Variants in MYO1D observed in about 807,000 individuals in gnomAD.
MYO1D encodes myosin ID, also known as unconventional myosin-Id.
A neutral mutation model predicts 122.0 loss-of-function variants in MYO1D; 83 were observed. The observed-to-expected ratio is 0.68, with a 90% CI of 0.57 to 0.82. The LOEUF (loss-of-function observed/expected upper bound fraction) is 0.82, where lower values mean the gene tolerates loss of function less well. Among genes scored for constraint, MYO1D ranks in the 40% least tolerant of loss-of-function variants. The pLI is 0.00. For synonymous variants in MYO1D, 464 were observed against 446.9 expected (o/e 1.04, Z -0.48); for missense variants, 1,157 against 1,269.5 (o/e 0.91, Z 1.35).
chr17:32,501,164 T>C lies in MYO1D; in HGVS notation c.2865-6249A>G, dbSNP rs139398036. Reference sequence around the variant, plus strand: ...TATACATGAATGTTCATGGCAGCACTGTTTACCAAAGGTAGCAACAGCCTT... The same window carrying C: ...TATACATGAATGTTCATGGCAGCACCGTTTACCAAAGGTAGCAACAGCCTT... On this transcript the variant is annotated intron_variant, in intron 21 of 21. Transcript: ENST00000318217. 5.8e-3 allele frequency among the ~76,000 whole-genome samples: 886 copies of C among 152,314 alleles called. 11 individuals are homozygous for C. Among genetic ancestry groups the C allele is most frequent in the African/African-American group, 0.02 (841 of 41,566 alleles).
intron 1 of MYO1D, among the ~76,000 whole-genome samples, chr17:32,853,591 CTG>C (rs756451247): frequency 1.6e-4 from 25 of 152,202 alleles, no homozygotes; most frequent in Admixed American, 1.0e-3. Flanking sequence ...ATTTCCATGT[CTG>C]TCTTTCCCTA....
chr17:32,699,648 A>G (rs2089220754), intron 16 of MYO1D, among the ~76,000 whole-genome samples: 1 of 152,240 alleles, frequency 6.6e-6, no homozygotes, highest in South Asian at 2.1e-4. Flanking sequence ...AAGGGTGACA[A>G]AAGATATCTG....
At chr17:32,584,827 G>A (rs2087372099) in intron 21 of MYO1D, among the ~76,000 whole-genome samples, 1 of 152,142 alleles carries the variant, frequency 6.6e-6, no homozygotes, top group Middle Eastern at 3.2e-3. Flanking sequence ...TATTTTAAAG[G>A]AATGAACAAA....
chr17:32,660,425 C>T (rs1321820590), intron 16 of MYO1D, among the ~76,000 whole-genome samples: 3 of 152,172 alleles, frequency 2.0e-5, no homozygotes, highest in South Asian at 2.1e-4. Context: ...CCGTCTGTGC[C>T]CACCAATTCC....
chr17:32,841,186 G>T (rs972739533), intron 1 of MYO1D, among the ~76,000 whole-genome samples: 2 of 152,120 alleles, frequency 1.3e-5, no homozygotes, highest in African/African-American at 2.4e-5. Context: ...CCCATTGTAG[G>T]CCAGGCACAG....
chr17:32,863,977 T>TA (rs1323272196), intron 1 of MYO1D, among the ~76,000 whole-genome samples: 5 of 144,162 alleles, frequency 3.5e-5, no homozygotes, highest in Non-Finnish European at 7.6e-5. Flanking sequence ...CTGCCACTTT[T>TA]AAAATAATTT....
intron 21 of MYO1D, among the ~76,000 whole-genome samples, chr17:32,506,880 G>A (rs956768862): frequency 1.3e-5 from 2 of 152,140 alleles, no homozygotes; most frequent in Non-Finnish European, 1.5e-5. Flanking sequence ...CTTTGGGAGG[G>A]TGAGGTGGGA....
intron 16 of MYO1D, among the ~76,000 whole-genome samples, chr17:32,673,367 G>A (rs1182042133): frequency 6.6e-6 from 1 of 151,904 alleles, no homozygotes; most frequent in Non-Finnish European, 1.5e-5. Flanking sequence ...GCCTCCCAAA[G>A]TGCTAGGATT....
At chr17:32,778,745 A>C (rs2090205859) in intron 2 of MYO1D, among the ~76,000 whole-genome samples, 172 bp from the exon 3 acceptor site, 1 of 152,202 alleles carries the variant, frequency 6.6e-6, no homozygotes, top group Non-Finnish European at 1.5e-5. Context: ...TGATATGGTT[A>C]GTGGTTCTAA....
intron 1 of MYO1D, among the ~76,000 whole-genome samples, chr17:32,818,913 A>T (rs1431077482): frequency 6.6e-6 from 1 of 152,234 alleles, no homozygotes; most frequent in African/African-American, 2.4e-5. Flanking sequence ...TAAAAACTTT[A>T]AAAAATTAAT....
intron 21 of MYO1D, among the ~76,000 whole-genome samples, chr17:32,497,296 AAAAC>A (rs1238002742): frequency 6.6e-6 from 1 of 152,060 alleles, no homozygotes; most frequent in Admixed American, 6.6e-5. Flanking sequence ...AAAAAATAAA[AAAAC>A]AAACCAATGA....
Position 32,721,111 on chromosome 17 carries a change from G to T in MYO1D, c.1825C>A (p.Gln609Lys). 1 of 1,613,950 alleles carries T rather than the reference G, an allele frequency of 6.2e-7. No homozygotes were observed. The highest frequency in any genetic ancestry group is 1.3e-5 in the African/African-American group (1 of 75,020). ...TCCAGTAGTCCAAGATATTCTACTT[G>T]GTGCCGGCAGCGTTCATCATCAAAT... Reference protein sequence around the residue: ...QIFDDERCRHQVEYLGLLENV... With the variant: ...QIFDDERCRHKVEYLGLLENV... Residue 609 changes from glutamine to lysine, a missense_variant, in exon 15 of 22, where the codon CAA (glutamine) becomes AAA (lysine). Transcript: ENST00000318217.
chr17:32,555,786 A>C (rs1160650805), intron 21 of MYO1D, among the ~76,000 whole-genome samples: 1 of 152,006 alleles, frequency 6.6e-6, no homozygotes, highest in Non-Finnish European at 1.5e-5. Flanking sequence ...CTGTTCCTCC[A>C]ACTCCTGGCC....
At chr17:32,789,909 A>G (rs1310172933) in intron 1 of MYO1D, among the ~76,000 whole-genome samples, 1 of 152,188 alleles carries the variant, frequency 6.6e-6, no homozygotes, top group Non-Finnish European at 1.5e-5. Flanking sequence ...GTGAGACAAT[A>G]CACTTCTTTA....
intron 21 of MYO1D, among the ~76,000 whole-genome samples, chr17:32,535,984 C>T (rs1910652932): frequency 6.6e-6 from 1 of 152,182 alleles, no homozygotes; most frequent in African/African-American, 2.4e-5. Context: ...TGGAAGAGTG[C>T]AGACAGACAA....
intron 1 of MYO1D, among the ~76,000 whole-genome samples, chr17:32,815,219 C>G (rs1201493017): frequency 6.6e-6 from 1 of 152,178 alleles, no homozygotes; most frequent in Admixed American, 6.5e-5. Flanking sequence ...AAATATAATT[C>G]TGTTGAAAAA....
chr17:32,521,952 G>T (rs1403530015), intron 21 of MYO1D, among the ~76,000 whole-genome samples: 3 of 151,912 alleles, frequency 2.0e-5, no homozygotes, highest in Non-Finnish European at 4.4e-5. Context: ...TGCAGTGGCA[G>T]GCGCCTGTAA....
At chr17:32,544,063 G>A (rs984224483) in intron 21 of MYO1D, among the ~76,000 whole-genome samples, 2 of 151,604 alleles carry the variant, frequency 1.3e-5, no homozygotes, top group Non-Finnish European at 2.9e-5. Context: ...AAAGTGCTGG[G>A]ACTACAGGTG....
intron 20 of MYO1D, among the ~76,000 whole-genome samples, chr17:32,606,272 A>T (rs934710940): frequency 6.6e-6 from 1 of 152,254 alleles, no homozygotes; most frequent in Non-Finnish European, 1.5e-5. Context: ...TCCACCAAAC[A>T]TTTAAAGAAG....
Sources: allele counts gnomAD v4.1 joint callset (sites outside exome capture counted in the v4.1 genomes callset), GRCh38; gene constraint gnomAD v4.1.1; transcripts MANE v1.5; gene names NCBI Gene and HGNC (gene_info 2026-07-23, HGNC 2026-07-21).